Variants in KALRN observed in about 807,000 individuals in gnomAD.
KALRN encodes kalirin RhoGEF kinase.
A neutral mutation model predicts 353.7 loss-of-function variants in KALRN; 70 were observed. That is an observed-to-expected ratio of 0.20 (90% CI 0.16 to 0.24). KALRN has a LOEUF of 0.24. KALRN is among the 10% of genes least tolerant of loss of function. The pLI, the probability that KALRN is intolerant of heterozygous loss-of-function variation, is 1.00. For missense variants in KALRN, 2,791 were observed against 3,756.7 expected (o/e 0.74, Z 6.72); for synonymous variants, 1,391 against 1,434.8 (o/e 0.97, Z 0.69).
intron 25 of KALRN, among the ~76,000 whole-genome samples, chr3:124,474,256 T>C (rs2061223137): frequency 6.6e-6 from 1 of 152,242 alleles, no homozygotes; most frequent in African/African-American, 2.4e-5. Flanking sequence ...GCTGAATTTT[T>C]TTCTACTTTA....
At chr3:124,184,162 C>G (rs1469190233) in intron 1 of KALRN, among the ~76,000 whole-genome samples, 2 of 152,172 alleles carry the variant, frequency 1.3e-5, no homozygotes, top group Non-Finnish European at 2.9e-5. Context: ...CACTTTGGCT[C>G]TAGAGTCACA....
intron 1 of KALRN, among the ~76,000 whole-genome samples, chr3:124,118,111 G>T (rs1216165042): frequency 4.6e-5 from 7 of 152,192 alleles, no homozygotes; most frequent in Admixed American, 4.6e-4. Context: ...ATGGAGGTAG[G>T]CAGAGGAGAG....
chr3:124,102,430 A>G (rs1395735270), intron 1 of KALRN, among the ~76,000 whole-genome samples: 1 of 152,170 alleles, frequency 6.6e-6, no homozygotes. Context: ...TCCTCCAGAA[A>G]AATATCCCCT....
chr3:124,210,911 A>C (rs73860337), intron 1 of KALRN, among the ~76,000 whole-genome samples: 1 of 152,044 alleles, frequency 6.6e-6, no homozygotes, highest in Non-Finnish European at 1.5e-5. Flanking sequence ...GAAGGGAATA[A>C]TTTTTTTTCC....
intron 26 of KALRN, among the ~76,000 whole-genome samples, chr3:124,476,629 A>AT (rs1322942571): frequency 6.6e-6 from 1 of 152,014 alleles, no homozygotes; most frequent in Non-Finnish European, 1.5e-5. Context: ...AGAGTCTTGA[A>AT]TTTTCACCCA....
chr3:124,698,245 G>A (rs2062151637), intron 55 of KALRN, among the ~76,000 whole-genome samples: 2 of 152,188 alleles, frequency 1.3e-5, no homozygotes, highest in Admixed American at 1.3e-4. Context: ...GGAAGTGCTG[G>A]GATTACAGGC....
intron 33 of KALRN, among the ~76,000 whole-genome samples, chr3:124,544,947 C>G (rs1468701100): frequency 6.6e-6 from 1 of 152,182 alleles, no homozygotes; most frequent in Non-Finnish European, 1.5e-5. Flanking sequence ...CACTGTGTGG[C>G]TGGGCCTGCA....
At chr3:124,201,646 A>C (rs1367169877) in intron 1 of KALRN, among the ~76,000 whole-genome samples, 1 of 152,162 alleles carries the variant, frequency 6.6e-6, no homozygotes, top group South Asian at 2.1e-4. Context: ...GATGGATGTG[A>C]TCTCCATCCT....
At chr3:124,098,434 C>T (rs1354355886) in intron 1 of KALRN, among the ~76,000 whole-genome samples, 1 of 152,214 alleles carries the variant, frequency 6.6e-6, no homozygotes, top group Non-Finnish European at 1.5e-5. Flanking sequence ...CCTGCCTGGG[C>T]CTCACACTTT....
intron 13 of KALRN, among the ~76,000 whole-genome samples, chr3:124,411,433 CT>C (rs61485429): frequency 0.17 from 8,692 of 50,730 alleles, 854 homozygotes; most frequent in Non-Finnish European, 0.23. Context: ...TTAAATTATG[CT>C]TTTTTTTTTT....
At chr3:124,152,882 TG>T in intron 1 of KALRN, 1 of 198,304 alleles carries the variant, frequency 5.0e-6, no homozygotes, top group Non-Finnish European at 1.0e-5. Context: ...CTCAAAGTGC[TG>T]GGATTACAAG....
chr3:124,171,141 C>T (rs999844099), intron 1 of KALRN, among the ~76,000 whole-genome samples: 1 of 152,028 alleles, frequency 6.6e-6, no homozygotes. Flanking sequence ...TTATGCTACC[C>T]CTGTTCTCAG....
At chr3:124,349,220 A>G (rs2082593100) in intron 10 of KALRN, among the ~76,000 whole-genome samples, 1 of 152,222 alleles carries the variant, frequency 6.6e-6, no homozygotes, top group Admixed American at 6.5e-5. Flanking sequence ...GAAATAAGCC[A>G]GTCACAAAAA....
chr3:124,203,704 A>G (rs2076153090), intron 1 of KALRN, among the ~76,000 whole-genome samples: 1 of 152,192 alleles, frequency 6.6e-6, no homozygotes, highest in South Asian at 2.1e-4. Flanking sequence ...TCTTCCAGTA[A>G]CCTACCAATT....
chr3:124,080,377 A>G (rs1243206587), intron 1 of KALRN, among the ~76,000 whole-genome samples: 2 of 152,226 alleles, frequency 1.3e-5, no homozygotes, highest in East Asian at 1.9e-4. Context: ...TTTGAACTCC[A>G]TACCAACTCA....
intron 10 of KALRN, among the ~76,000 whole-genome samples, chr3:124,378,324 T>A: frequency 6.6e-6 from 1 of 152,060 alleles, no homozygotes. Flanking sequence ...TATACTTCCA[T>A]CCCTCCCTTC....
intron 51 of KALRN, among the ~76,000 whole-genome samples, chr3:124,686,461 T>G (rs1218582005): frequency 6.6e-6 from 1 of 152,036 alleles, no homozygotes; most frequent in African/African-American, 2.4e-5. Flanking sequence ...TGGGCAGCAG[T>G]GTGTGGGTTG....
chr3:124,230,712 G>A lies in KALRN; in HGVS notation c.148+2648G>A, dbSNP rs141390969. On this transcript the variant is annotated intron_variant, in intron 2 of 59. Transcript: ENST00000682506. Reference sequence around the variant, plus strand: ...GTAAGCCTTATTCAACTGCACCTGCGCTTGTGGTGCCAGAAACTTCTGGGC... The same window carrying A: ...GTAAGCCTTATTCAACTGCACCTGCACTTGTGGTGCCAGAAACTTCTGGGC... Among the ~76,000 whole-genome samples the A allele has an allele frequency of 4.5e-3, 679 of 152,090 alleles. 2 individuals carry two copies. Among genetic ancestry groups the A allele is most frequent in the Non-Finnish European group, 7.5e-3 (509 of 67,974 alleles).
At chr3:124,402,743 C>G (rs910251044) in intron 13 of KALRN, among the ~76,000 whole-genome samples, 1 of 152,146 alleles carries the variant, frequency 6.6e-6, no homozygotes, top group Non-Finnish European at 1.5e-5. Context: ...CAAAATTCAA[C>G]ATGCTCTTTG....
Sources: gnomAD v4.1 joint callset for allele counts (sites outside exome capture counted in the v4.1 genomes callset) on GRCh38, gnomAD v4.1.1 for gene constraint, MANE v1.5 for transcripts, NCBI Gene and HGNC (gene_info 2026-07-23, HGNC 2026-07-21) for gene names.